TRIOBP: variants seen among roughly 807,000 people sequenced by gnomAD.
The protein encoded by TRIOBP is TRIO and F-actin binding protein.
Under a neutral mutation model 238.8 loss-of-function variants are expected in TRIOBP, and 169 were observed. The ratio of observed to expected loss-of-function variants is 0.71; its 90% CI spans 0.62 to 0.80. The LOEUF (loss-of-function observed/expected upper bound fraction) is 0.80. TRIOBP is among the 30% of genes least tolerant of loss of function. The pLI is 0.00. For missense variants in TRIOBP, 2,838 were observed against 3,122.6 expected, an observed-to-expected ratio of 0.91 and a Z score of 2.17; for synonymous variants, 1,150 against 1,274.4, an observed-to-expected ratio of 0.90 and a Z score of 2.08.
chr22:37,751,357 GTCC>G (rs932507904), intron 11 of TRIOBP: 2 of 338,600 alleles, frequency 5.9e-6, no homozygotes, highest in African/African-American at 4.3e-5. Flanking sequence ...GGGGCACTTG[GTCC>G]TCGTCAGAGG....
Position 37,726,266 on chromosome 22 carries a change from T to C in TRIOBP, c.3710T>C (p.Leu1237Pro). 1 of 1,580,984 alleles carries C rather than the reference T, an allele frequency of 6.3e-7. No homozygotes were observed. Among genetic ancestry groups the C allele is most frequent in the South Asian group, 1.1e-5 (1 of 90,384 alleles). ...CCACCCCGCCACCCACCCAGTGACC[T>C]AGCGTTCCTGGCACCCTCACCTTCA... is the stretch of plus-strand genomic sequence containing the variant. ...SSPPRHPPSD[L>P]AFLAPSPSPG... Residue 1237 changes from leucine (L) to proline (P), a missense_variant, in exon 7 of 24, where the codon CTA becomes CCA. Physicochemically the swap from Leu to Pro is moderately conservative, Grantham distance 98. Transcript: ENST00000644935.
chr22:37,713,964 A>G (rs1256210061), intron 5 of TRIOBP, among the ~76,000 whole-genome samples: 1 of 151,954 alleles, frequency 6.6e-6, no homozygotes, highest in East Asian at 1.9e-4. Flanking sequence ...CCCAAAAGGA[A>G]AATGACAGGG....
chr22:37,746,490 C>T, intron 11 of TRIOBP: 1 of 1,285,270 alleles, frequency 7.8e-7, no homozygotes, highest in Non-Finnish European at 1.0e-6. Context: ...AGAGCCCAGC[C>T]TCTCCCCTCC....
At chr22:37,757,220 G>C (rs1257566537) in intron 15 of TRIOBP, among the ~76,000 whole-genome samples, 2 of 152,124 alleles carry the variant, frequency 1.3e-5, no homozygotes, top group Non-Finnish European at 2.9e-5. Context: ...AAAATTAGCT[G>C]GGCGTGGTGG....
rs775131146 is a variant in TRIOBP, at chr22:37,738,746, T to TA, written c.5184+28dup. ...TAGCTGGGTCATGGGTGTGGGTACA[T>TA]ACGGTGGGGAAGGGAGGGGGAAGCA... On this transcript the variant is annotated intron_variant, in intron 10 of 23. Transcript: ENST00000644935. 71 of 1,611,776 alleles carry TA rather than the reference T, an allele frequency of 4.4e-5. No homozygotes were observed. In the Middle Eastern group the frequency reaches 8.3e-4, roughly 19 times the overall value.
intron 2 of TRIOBP, among the ~76,000 whole-genome samples, chr22:37,700,327 C>G (rs12627943): frequency 0.19 from 27,523 of 146,528 alleles, 3,107 homozygotes; most frequent in South Asian, 0.29. Flanking sequence ...AGTGCTGTAA[C>G]TATTCACAGG....
At position 37,768,106 on chromosome 22, in the gene TRIOBP, G is replaced by T. The variant is rs755512114; in HGVS notation, c.6505G>T (p.Glu2169Ter). Reference sequence around the variant, plus strand: ...AGCCATGAAGAAGGCCTACCAGGAAGAGCTGAGCCGAGAGCTGAGCAAAAC... The same window carrying T: ...AGCCATGAAGAAGGCCTACCAGGAATAGCTGAGCCGAGAGCTGAGCAAAAC... ...IEAMKKAYQE[E>*]LSRELSKTRS... The change falls in exon 19 of 24, where the codon GAG (glutamate) becomes TAG (stop). Residue 2169 changes from glutamate to a stop codon, truncating the protein, a stop_gained. Transcript: ENST00000644935. LOFTEE classifies it high-confidence loss of function. 10 of 1,613,514 alleles carry T rather than the reference G, an allele frequency of 6.2e-6. No individual in the cohort carries two copies. Among genetic ancestry groups the T allele is most frequent in the Middle Eastern group, 1.7e-4 (1 of 6,058 alleles).
At chr22:37,701,586 C>T (rs1331021887) in intron 3 of TRIOBP, 107 bp downstream of exon 3, 1 of 794,594 alleles carries the variant, frequency 1.3e-6, no homozygotes, top group Non-Finnish European at 2.2e-6. Flanking sequence ...TGCTGGACTT[C>T]CTCCTGTCGA....
At chr22:37,717,524 A>G (rs2145826206) in intron 6 of TRIOBP, among the ~76,000 whole-genome samples, 1 of 152,192 alleles carries the variant, frequency 6.6e-6, no homozygotes, top group South Asian at 2.1e-4. Context: ...GCTTGACACA[A>G]AGGTTCTCCA....
At chr22:37,754,551 G>GT (rs1347680193) in intron 12 of TRIOBP, among the ~76,000 whole-genome samples, 1 of 152,090 alleles carries the variant, frequency 6.6e-6, no homozygotes, top group African/African-American at 2.4e-5. Flanking sequence ...GGAAAAAGAC[G>GT]TAACGTCCTG....
intron 17 of TRIOBP, among the ~76,000 whole-genome samples, chr22:37,764,761 AT>A (rs1333994045): frequency 6.6e-6 from 1 of 152,178 alleles, no homozygotes; most frequent in African/African-American, 2.4e-5. Context: ...ATTATTTTGT[AT>A]TACATCATCA....
At chr22:37,767,276 TCCTGGGTGA>T (rs1926548689) in intron 18 of TRIOBP, among the ~76,000 whole-genome samples, 2 of 123,786 alleles carry the variant, frequency 1.6e-5, no homozygotes, top group Non-Finnish European at 3.7e-5. Context: ...AGACTCCGTC[TCCTGGGTGA>T]CAGAGTGAGA....
intron 11 of TRIOBP, among the ~76,000 whole-genome samples, chr22:37,746,070 C>CGCCGTCCCGCCGTCCCGCCGCCT (rs1465947600): frequency 6.7e-5 from 10 of 148,418 alleles, no homozygotes; most frequent in Non-Finnish European, 1.2e-4. Context: ...TCCCGCCGCC[C>CGCCGTCCCGCCGTCCCGCCGCCT]CGCCGCCCTA....
chr22:37,746,215 G>GA lies in TRIOBP; in HGVS notation c.5322+5200dup, dbSNP rs58335859. 0.027 allele frequency: 25,717 copies of GA among 942,110 alleles called. 41 individuals are homozygous for GA. The highest frequency in any genetic ancestry group is 0.052 in the African/African-American group (2,398 of 46,338). The allele number at this position is 942,110 out of a possible 1,614,324, so 58.4% of individuals were successfully genotyped here. A position where few individuals can be genotyped will look rare whatever the true frequency, so the allele number is the denominator to read the frequency against. Reference sequence around the variant, plus strand: ...CCGCTCGGGTCCTCCCAGGAAGTTTGAAAAAAAAAAAAAAAAAGTTTTATG... The same window carrying GA: ...CCGCTCGGGTCCTCCCAGGAAGTTTGAAAAAAAAAAAAAAAAAAGTTTTATG... On this transcript the variant is annotated intron_variant, in intron 11 of 23. Coordinates refer to ENST00000644935, the MANE Select transcript of TRIOBP (RefSeq NM_001039141.3).
At chr22:37,728,944 CT>C (rs1211244427) in intron 7 of TRIOBP, among the ~76,000 whole-genome samples, 4 of 152,006 alleles carry the variant, frequency 2.6e-5, no homozygotes, top group Non-Finnish European at 5.9e-5. Context: ...GAGATGGAGT[CT>C]CGCTCTGTCA....
intron 6 of TRIOBP, among the ~76,000 whole-genome samples, chr22:37,718,189 C>A (rs560178308): frequency 2.6e-5 from 4 of 152,348 alleles, no homozygotes; most frequent in Admixed American, 1.3e-4. Flanking sequence ...CCACAAGCGC[C>A]GCGCGCAGCC....
chr22:37,726,404 C>A lies in TRIOBP; in HGVS notation c.3848C>A (p.Ala1283Asp). 6.3e-7 allele frequency: 1 copy of A among 1,585,738 alleles called. No individual in the cohort carries two copies. The highest frequency in any genetic ancestry group is 1.1e-5 in the South Asian group (1 of 87,940). Residue 1283 changes from alanine (A) to aspartate (D), a missense_variant, in exon 7 of 24, where the codon GCC becomes GAC. Transcript: ENST00000644935. ...GACCTGCCCCCACCCAGGAGGCTGG[C>A]CCAGAGACAGCCAGGGCCCCAGGCG... Reference protein sequence around the residue: ...LADLPPPRRLAQRQPGPQAQC... With the variant: ...LADLPPPRRLDQRQPGPQAQC...
chr22:37,715,749 C>T lies in TRIOBP; in HGVS notation c.457-14C>T, dbSNP rs1012269670. Reference sequence around the variant, plus strand: ...TCTCCCGCAAACATACTTTCTCCTCCCCTTCTCTGGCAGGACTGGGACACT... The same window carrying T: ...TCTCCCGCAAACATACTTTCTCCTCTCCTTCTCTGGCAGGACTGGGACACT... On this transcript the variant is annotated splice_polypyrimidine_tract_variant and intron_variant, in intron 5 of 23. Coordinates refer to ENST00000644935, the MANE Select transcript of TRIOBP (RefSeq NM_001039141.3). The T allele has an allele frequency of 3.7e-6, 6 of 1,613,530 alleles. No homozygotes were observed. The highest frequency in any genetic ancestry group is 1.3e-5 in the African/African-American group (1 of 75,032).
intron 4 of TRIOBP, among the ~76,000 whole-genome samples, chr22:37,711,779 A>G (rs1171308323): frequency 6.6e-6 from 1 of 152,158 alleles, no homozygotes; most frequent in Non-Finnish European, 1.5e-5. Flanking sequence ...GTAGAGAAGT[A>G]TGTCATTTGA....
Sources: allele counts gnomAD v4.1 joint callset (sites outside exome capture counted in the v4.1 genomes callset), GRCh38; gene constraint gnomAD v4.1.1; transcripts MANE v1.5; gene names NCBI Gene and HGNC (gene_info 2026-07-23, HGNC 2026-07-21).